PDPK1: variants seen among roughly 807,000 people sequenced by gnomAD.
The protein encoded by PDPK1 is 3-phosphoinositide dependent protein kinase 1, also known as 3-phosphoinositide-dependent protein kinase 1.
PDPK1 carries 7 observed loss-of-function variants against 39.8 expected under a neutral mutation model. The observed-to-expected ratio is 0.18, with a 90% CI of 0.10 to 0.33. The LOEUF (loss-of-function observed/expected upper bound fraction) is 0.33, where lower values mean the gene tolerates loss of function less well. Among genes scored for constraint, PDPK1 ranks in the 10% least tolerant of loss-of-function variants. The pLI is 1.00. For missense variants in PDPK1, 182 were observed against 384.7 expected (o/e 0.47, Z 4.41); for synonymous variants, 118 against 159.1 (o/e 0.74, Z 1.95).
chr16:2,595,157 A>G (rs1463896924), intron 11 of PDPK1, among the ~76,000 whole-genome samples: 1 of 152,206 alleles, frequency 6.6e-6, no homozygotes, highest in Non-Finnish European at 1.5e-5. Context: ...TTAGGAATCA[A>G]AAGTGACGTG....
intron 10 of PDPK1, among the ~76,000 whole-genome samples, chr16:2,585,452 C>T (rs1021532443): frequency 6.6e-6 from 1 of 152,228 alleles, no homozygotes; most frequent in Admixed American, 6.5e-5. Context: ...GCCGCACCCC[C>T]TCCTTCATGG....
chr16:2,589,931 AG>A (rs2066954669), intron 11 of PDPK1, among the ~76,000 whole-genome samples: 1 of 152,222 alleles, frequency 6.6e-6, no homozygotes, highest in African/African-American at 2.4e-5. Flanking sequence ...GCACAGCCTC[AG>A]GCTTGGTCAT....
At chr16:2,590,832 G>C (rs1331636976) in intron 11 of PDPK1, among the ~76,000 whole-genome samples, 2 of 152,068 alleles carry the variant, frequency 1.3e-5, no homozygotes, top group African/African-American at 2.4e-5. Flanking sequence ...TAAAAAGAAA[G>C]AGACAAGCTC....
chr16:2,538,723 C>T (rs1567140341), intron 1 of PDPK1: 3 of 1,286,308 alleles, frequency 2.3e-6, no homozygotes, highest in African/African-American at 1.5e-5. Context: ...TGGGAAGCCC[C>T]TGGGAGGCCG....
rs1358230696 is a variant in PDPK1 at position 2,599,978 on chromosome 16, C to G, written c.*2211C>G. The G allele has an allele frequency of 8.6e-6, 2 of 233,132 alleles. No individual in the cohort carries two copies. Among genetic ancestry groups the G allele is most frequent in the Non-Finnish European group, 1.7e-5 (2 of 118,084 alleles). 14.4% of individuals were successfully genotyped at this position (233,132 alleles called of 1,614,324 possible). ...AGGGGCTCAGAGCCAGAGCTGGCAGCCGCCAGCCAAAATGATGCCATTGCC... is the reference window on the plus strand; with the variant it reads ...AGGGGCTCAGAGCCAGAGCTGGCAGGCGCCAGCCAAAATGATGCCATTGCC... On this transcript the variant is annotated 3_prime_UTR_variant, in exon 14 of 14. Transcript: ENST00000342085.
At position 2,597,616 on chromosome 16, in the gene PDPK1, C is replaced by A; in HGVS notation, c.1555-35C>A. ...TTGGGGTGGGGGTTTTGGTGGGACT[C>A]CCTGGAGAACACTAAACGGCTTCTG... On this transcript the variant is annotated intron_variant, in intron 13 of 13. Transcript: ENST00000342085. This position sits in a 1 kb window ranked among gnomAD's most constrained non-coding sequence, Gnocchi z 6.3. The A allele has an allele frequency of 6.8e-7, 1 of 1,478,054 alleles. No homozygotes were observed. The highest frequency in any genetic ancestry group is 9.5e-7 in the Non-Finnish European group (1 of 1,055,942). The allele number at this position is 1,478,054 out of a possible 1,614,324, so 91.6% of individuals were successfully genotyped here. A position where few individuals can be genotyped will look rare whatever the true frequency, so the allele number is the denominator to read the frequency against.
intron 1 of PDPK1, among the ~76,000 whole-genome samples, chr16:2,551,964 CAAAG>C: frequency 6.6e-6 from 1 of 151,066 alleles, no homozygotes; most frequent in Middle Eastern, 3.4e-3. Context: ...CTGTGCCCGG[CAAAG>C]AGAGTATCTA....
At chr16:2,584,972 G>C (rs2066835391) in intron 10 of PDPK1, among the ~76,000 whole-genome samples, 1 of 152,234 alleles carries the variant, frequency 6.6e-6, no homozygotes, top group African/African-American at 2.4e-5. Context: ...TGCTCTCCCT[G>C]CTGGGCCTGC....
At chr16:2,545,886 C>T (rs1403246073) in intron 1 of PDPK1, among the ~76,000 whole-genome samples, 1 of 152,114 alleles carries the variant, frequency 6.6e-6, no homozygotes, top group Non-Finnish European at 1.5e-5. Context: ...ATCCTACCAC[C>T]TGCTCCTCCC....
At position 2,544,457 on chromosome 16, in the gene PDPK1, C is replaced by T. The variant is rs117069664; in HGVS notation, c.24+6321C>T. Among the ~76,000 whole-genome samples the T allele has an allele frequency of 5.4e-3, 817 of 152,296 alleles. 4 individuals are homozygous for T. The highest frequency in any genetic ancestry group is 0.031 in the Middle Eastern group (9 of 294). On this transcript the variant is annotated intron_variant, in intron 1 of 13. Transcript: ENST00000342085. ...GAACCTTTCTCCACTAATTTTTGTT[C>T]TGAAAAATTTCAAAACCGAAGAATA...
In PDPK1 at chr16:2,585,021, C is replaced by T. The variant is rs575267877; in HGVS notation, c.1125+1436C>T. Among the ~76,000 whole-genome samples, 193 of 152,214 alleles carry T rather than the reference C, an allele frequency of 1.3e-3. 5 individuals are homozygous for T. The South Asian group carries it at 0.037, about 29-fold the overall frequency. On this transcript the variant is annotated intron_variant, in intron 10 of 13. Transcript: ENST00000342085. ...GTTTTGCTCGCGACTGGCTGGTGGC[C>T]GTTCTCCCGTGGGCTCTGTGCTCCA...
In PDPK1 at chr16:2,601,502, A is replaced by T; in HGVS notation, c.*3735A>T. ...TACTTCGTGTCCACAATGGTACTGAATTTGCATCTGCACAGTCAGCAGAGA... is the reference window on the plus strand; with the variant it reads ...TACTTCGTGTCCACAATGGTACTGATTTTGCATCTGCACAGTCAGCAGAGA... On this transcript the variant is annotated 3_prime_UTR_variant, in exon 14 of 14. Coordinates refer to ENST00000342085, the MANE Select transcript of PDPK1 (RefSeq NM_002613.5). 1 of 234,544 alleles carries T rather than the reference A, an allele frequency of 4.3e-6. No homozygotes were observed. The highest frequency in any genetic ancestry group is 2.2e-5 in the African/African-American group (1 of 45,432). The allele number at this position is 234,544 out of a possible 1,614,324, so 14.5% of individuals were successfully genotyped here.
In PDPK1 at chr16:2,598,402, CA is replaced by C. The variant is rs560922224; in HGVS notation, c.*636del. On this transcript the variant is annotated 3_prime_UTR_variant, in exon 14 of 14. Coordinates refer to ENST00000342085, the MANE Select transcript of PDPK1 (RefSeq NM_002613.5). ...CTTTCTGTGGCCCCTGCTGTGTTGG[CA>C]GGCAGGTTTGCGTGGTGAGGAGCGG... 31 of 234,488 alleles carry C rather than the reference CA, an allele frequency of 1.3e-4. No homozygotes were observed. In the East Asian group the frequency reaches 1.9e-3, roughly 14 times the overall value. 14.5% of individuals were successfully genotyped at this position (234,488 alleles called of 1,614,324 possible). A position where few individuals can be genotyped will look rare whatever the true frequency, so the allele number is the denominator to read the frequency against.
Position 2,602,266 on chromosome 16 carries a change from C to T in PDPK1, c.*4499C>T, listed in dbSNP as rs1274885428. 4.3e-6 allele frequency: 1 copy of T among 234,586 alleles called. No homozygotes were observed. Among genetic ancestry groups the T allele is most frequent in the African/African-American group, 2.2e-5 (1 of 45,256 alleles). The allele number at this position is 234,586 out of a possible 1,614,324, so 14.5% of individuals were successfully genotyped here. ...GCCTGAATCGGGGCTGGAGGCACTTCAGAGCCTCTGAGGGGCCACCACTTC... is the reference window on the plus strand; with the variant it reads ...GCCTGAATCGGGGCTGGAGGCACTTTAGAGCCTCTGAGGGGCCACCACTTC... On this transcript the variant is annotated 3_prime_UTR_variant, in exon 14 of 14. Coordinates refer to ENST00000342085, the MANE Select transcript of PDPK1 (RefSeq NM_002613.5).
chr16:2,592,437 G>T, intron 11 of PDPK1: 1 of 277,964 alleles, frequency 3.6e-6, no homozygotes, highest in South Asian at 3.2e-5. Context: ...CTCAGGGCAG[G>T]GGATTTTCTG....
intron 3 of PDPK1, 35 bp from the exon 4 acceptor site, chr16:2,561,735 GT>G: frequency 4.3e-6 from 1 of 233,340 alleles, no homozygotes; most frequent in Non-Finnish European, 7.1e-6. Context: ...GTTTTTTGTT[GT>G]TTCTGATAGT....
intron 1 of PDPK1, among the ~76,000 whole-genome samples, chr16:2,552,590 G>A (rs963169127): frequency 2.3e-5 from 3 of 132,016 alleles, no homozygotes; most frequent in African/African-American, 9.1e-5. Context: ...TCGTCATTGA[G>A]TGGCGCGGGG....
In PDPK1 at chr16:2,597,392, C is replaced by A; in HGVS notation, c.1554+117C>A. ...AGCGGGGATCGGGGCAGCTGCCTCG[C>A]CCTTTCCGACATCCCAGACGCCCAC... On this transcript the variant is annotated intron_variant, in intron 13 of 13. Transcript: ENST00000342085. The surrounding 1 kb of genome is among the most constrained non-coding windows in gnomAD (Gnocchi z 6.3). 1 of 923,712 alleles carries A rather than the reference C, an allele frequency of 1.1e-6. No individual in the cohort carries two copies. The highest frequency in any genetic ancestry group is 1.7e-6 in the Non-Finnish European group (1 of 599,024). 57.2% of individuals were successfully genotyped at this position (923,712 alleles called of 1,614,324 possible).
At position 2,590,895 on chromosome 16, in the gene PDPK1, G is replaced by A. The variant is rs187753118; in HGVS notation, c.1343+4002G>A. 3.9e-3 allele frequency among the ~76,000 whole-genome samples: 595 copies of A among 151,606 alleles called. 7 individuals are homozygous for A. Among genetic ancestry groups the A allele is most frequent in the Non-Finnish European group, 5.4e-3 (365 of 67,972 alleles). ...ACTGCTGGGCTGAAGCATTCCTCTCGCTTATGACTTCCCAAAGTGGTGGGA... is the reference window on the plus strand; with the variant it reads ...ACTGCTGGGCTGAAGCATTCCTCTCACTTATGACTTCCCAAAGTGGTGGGA... On this transcript the variant is annotated intron_variant, in intron 11 of 13. Coordinates refer to ENST00000342085, the MANE Select transcript of PDPK1 (RefSeq NM_002613.5).
Sources: gnomAD v4.1 joint callset for allele counts (sites outside exome capture counted in the v4.1 genomes callset) on GRCh38, gnomAD v4.1.1 for gene constraint, Gnocchi (gnomAD v3.1) non-coding constraint, MANE v1.5 for transcripts, NCBI Gene and HGNC (gene_info 2026-07-23, HGNC 2026-07-21) for gene names.